Variants in CNOT4 observed in about 807,000 individuals in gnomAD.
The protein encoded by CNOT4 is CCR4-associated factor 4.
Under a neutral mutation model 73.8 loss-of-function variants are expected in CNOT4, and 8 were observed. The ratio of observed to expected loss-of-function variants is 0.11; its 90% CI spans 0.06 to 0.20. The LOEUF is 0.20. CNOT4 is among the 10% of genes least tolerant of loss of function. The pLI is 1.00. For missense variants in CNOT4, 564 were observed against 883.4 expected (o/e 0.64, Z 4.58); for synonymous variants, 293 against 321.1 (o/e 0.91, Z 0.94).
At chr7:135,414,288 T>C (rs2129484186) in intron 5 of CNOT4, 43 bp downstream of exon 5, 4 of 752,710 alleles carry the variant, frequency 5.3e-6, no homozygotes, top group Non-Finnish European at 9.3e-6. Flanking sequence ...TTTTATCTCG[T>C]CTTCCTTAAA....
At position 135,510,021 on chromosome 7, in the gene CNOT4, A is replaced by G; in HGVS notation, c.-225T>C. The G allele has an allele frequency of 7.5e-6, 3 of 399,064 alleles. No homozygotes were observed. The highest frequency in any genetic ancestry group is 1.3e-5 in the Non-Finnish European group (3 of 226,138). 24.7% of individuals were successfully genotyped at this position (399,064 alleles called of 1,614,324 possible). ...GATTGCTTCAGCGAGTCCGACCTTTACGGCTGAGAGAGAGACTCTCAGCTT... is the reference window on the plus strand; with the variant it reads ...GATTGCTTCAGCGAGTCCGACCTTTGCGGCTGAGAGAGAGACTCTCAGCTT... On this transcript the variant is annotated 5_prime_UTR_variant, in exon 1 of 12. Transcript: ENST00000541284.
At chr7:135,455,276 TAA>T (rs1168502259) in intron 1 of CNOT4, among the ~76,000 whole-genome samples, 3 of 126,422 alleles carry the variant, frequency 2.4e-5, no homozygotes, top group Admixed American at 8.1e-5. Context: ...CCTGTTCTCC[TAA>T]AAAAAAAAAA....
chr7:135,364,097 A>AT lies in CNOT4; in HGVS notation c.1628-32dup, dbSNP rs1193085684. 7 of 1,437,902 alleles carry AT rather than the reference A, an allele frequency of 4.9e-6. No homozygotes were observed. Among genetic ancestry groups the AT allele is most frequent in the Non-Finnish European group, 6.7e-6 (7 of 1,052,010 alleles). The allele number at this position is 1,437,902 out of a possible 1,614,324, so 89.1% of individuals were successfully genotyped here. A position where few individuals can be genotyped will look rare whatever the true frequency, so the allele number is the denominator to read the frequency against. On this transcript the variant is annotated intron_variant, in intron 10 of 11. Transcript: ENST00000541284. The surrounding 1 kb of genome is among the most constrained non-coding windows in gnomAD (Gnocchi z 4.3). Reference sequence around the variant, plus strand: ...AGATTTACCAACAAAAAAATGAAAGATAAAAAAAAATAAAAAGCTACGTTA... The same window carrying AT: ...AGATTTACCAACAAAAAAATGAAAGATTAAAAAAAAATAAAAAGCTACGTTA...
chr7:135,400,777 T>C (rs3828957), intron 7 of CNOT4, among the ~76,000 whole-genome samples: 1,967 of 152,264 alleles, frequency 0.013, 139 homozygotes, highest in Admixed American at 0.12. Flanking sequence ...TATCCGATAA[T>C]AGCTGCTGAA....
chr7:135,414,220 C>A, intron 5 of CNOT4, 111 bp downstream of exon 5: 1 of 565,388 alleles, frequency 1.8e-6, no homozygotes, highest in Non-Finnish European at 3.1e-6. Context: ...AAGACAGACT[C>A]TTCAAATTAA....
rs531500595 is a variant in CNOT4, at chr7:135,394,174, A to G, written c.1371T>C (p.Ala457=). 3 of 1,614,264 alleles carry G rather than the reference A, an allele frequency of 1.9e-6. No homozygotes were observed. The East Asian group carries it at 6.7e-5, about 36-fold the overall frequency. ...KGPGSGFLHP[A]AATNANSLNS... Reference sequence around the variant, plus strand: ...TGAGAGAATTGGCATTTGTAGCTGCAGCAGGATGCAGGAATCCAGAGCCTG... The same window carrying G: ...TGAGAGAATTGGCATTTGTAGCTGCGGCAGGATGCAGGAATCCAGAGCCTG... Residue 457 remains alanine, a synonymous_variant, in exon 10 of 12, where the codon GCT becomes GCC. Coordinates refer to ENST00000541284, the MANE Select transcript of CNOT4 (RefSeq NM_001190850.2).
At chr7:135,395,198 G>A (rs1045161182) in intron 9 of CNOT4, among the ~76,000 whole-genome samples, 3 of 152,054 alleles carry the variant, frequency 2.0e-5, no homozygotes, top group African/African-American at 7.3e-5. Flanking sequence ...GACCTGGGCA[G>A]TATAGCAAGA....
intron 1 of CNOT4, among the ~76,000 whole-genome samples, chr7:135,455,800 G>A (rs531732228): frequency 6.6e-5 from 10 of 152,180 alleles, no homozygotes; most frequent in Middle Eastern, 3.4e-3. Context: ...CCTGTGAGGT[G>A]GAAGTTGCAG....
At chr7:135,453,848 T>TATATATATATATATAAA (rs61345541) in intron 1 of CNOT4, among the ~76,000 whole-genome samples, 21 of 116,716 alleles carry the variant, frequency 1.8e-4, no homozygotes, top group East Asian at 1.7e-3. Flanking sequence ...ATATATATAT[T>TATATATATATATATAAA]ATATATATAG....
At chr7:135,418,626 G>C (rs897668402) in intron 3 of CNOT4, among the ~76,000 whole-genome samples, 1 of 152,110 alleles carries the variant, frequency 6.6e-6, no homozygotes, top group Non-Finnish European at 1.5e-5. Flanking sequence ...GTAAGACCAC[G>C]GACAAGTCAC....
rs1800042102 is a variant in CNOT4 at position 135,449,593 on chromosome 7, G to C, written c.-92-11170C>G. 3.3e-5 allele frequency among the ~76,000 whole-genome samples: 5 copies of C among 152,218 alleles called. No individual in the cohort carries two copies. In the South Asian group the frequency reaches 8.3e-4, roughly 25 times the overall value. On this transcript the variant is annotated intron_variant, in intron 1 of 11. Coordinates refer to ENST00000541284, the MANE Select transcript of CNOT4 (RefSeq NM_001190850.2). ...AATCCTTCACCCAATGGAATAATTA[G>C]AGTAACAGCAAGTAACAGCAAGGAA...
At chr7:135,493,722 A>G (rs1803265664) in intron 1 of CNOT4, among the ~76,000 whole-genome samples, 1 of 152,190 alleles carries the variant, frequency 6.6e-6, no homozygotes, top group African/African-American at 2.4e-5. Context: ...CAAAGCTATG[A>G]AAATTGGAGG....
intron 1 of CNOT4, among the ~76,000 whole-genome samples, chr7:135,440,333 T>C (rs1376022338): frequency 1.3e-5 from 2 of 151,258 alleles, no homozygotes; most frequent in African/African-American, 4.8e-5. Flanking sequence ...AGGTAACTTT[T>C]TTTTTTTTTT....
At chr7:135,388,035 C>A in intron 10 of CNOT4, 8 of 985,308 alleles carry the variant, frequency 8.1e-6, no homozygotes, top group Non-Finnish European at 9.6e-6. Flanking sequence ...AATGTTTACT[C>A]CGTATTCAAG....
intron 2 of CNOT4, among the ~76,000 whole-genome samples, chr7:135,436,009 T>G (rs2551772): frequency 0.061 from 9,225 of 151,330 alleles, 344 homozygotes; most frequent in African/African-American, 0.11. Flanking sequence ...CCTGAAGCAC[T>G]CCCATTCCTT....
At chr7:135,482,003 A>G (rs538360890) in intron 1 of CNOT4, among the ~76,000 whole-genome samples, 1 of 152,326 alleles carries the variant, frequency 6.6e-6, no homozygotes, top group South Asian at 2.1e-4. Flanking sequence ...TAGAAGAAAT[A>G]ACTTCTAATG....
At chr7:135,495,753 A>G (rs1254120923) in intron 1 of CNOT4, among the ~76,000 whole-genome samples, 5 of 139,582 alleles carry the variant, frequency 3.6e-5, no homozygotes. Context: ...AAAGAAAGAA[A>G]GAAAGAAAGA....
At chr7:135,500,566 T>C (rs1803893139) in intron 1 of CNOT4, among the ~76,000 whole-genome samples, 1 of 152,230 alleles carries the variant, frequency 6.6e-6, no homozygotes, top group South Asian at 2.1e-4. Flanking sequence ...TAATATTACC[T>C]GTGCAAAACA....
intron 3 of CNOT4, among the ~76,000 whole-genome samples, chr7:135,418,148 C>G (rs768571468): frequency 1.3e-5 from 2 of 152,174 alleles, no homozygotes; most frequent in Non-Finnish European, 2.9e-5. Flanking sequence ...CAATAGTGGG[C>G]CTCAAAGTAT....
Sources: gnomAD v4.1 joint callset for allele counts (sites outside exome capture counted in the v4.1 genomes callset) on GRCh38, gnomAD v4.1.1 for gene constraint, Gnocchi (gnomAD v3.1) non-coding constraint, MANE v1.5 for transcripts, NCBI Gene and HGNC (gene_info 2026-07-23, HGNC 2026-07-21) for gene names.